Variants in TRIM37 observed in about 807,000 individuals in gnomAD.
TRIM37 encodes the protein E3 ubiquitin-protein ligase TRIM37.
In TRIM37, 80 loss-of-function variants were observed where a neutral mutation model predicts 129.8. That is an observed-to-expected ratio of 0.62 (90% confidence interval 0.51 to 0.74). The LOEUF is 0.74. TRIM37 is among the 30% of genes least tolerant of loss of function. TRIM37 has a pLI of 0.00. For synonymous variants in TRIM37, 389 were observed against 387.1 expected (o/e 1.00, Z -0.06); for missense variants, 1,054 against 1,176.5 (o/e 0.90, Z 1.52).
intron 14 of TRIM37, among the ~76,000 whole-genome samples, chr17:59,050,052 C>A (rs1471790446): frequency 2.6e-5 from 4 of 152,190 alleles, no homozygotes; most frequent in Admixed American, 2.6e-4. Context: ...CTCCAAACCT[C>A]CTGCCACACC....
intron 16 of TRIM37, among the ~76,000 whole-genome samples, chr17:59,045,473 A>G (rs1375292204): frequency 6.6e-6 from 1 of 151,544 alleles, no homozygotes; most frequent in Non-Finnish European, 1.5e-5. Context: ...CCTCGTCTCT[A>G]CTAAAAATAC....
chr17:58,969,635 C>A, the TRIM37 span: 1 of 1,614,078 alleles, frequency 6.2e-7, no homozygotes, highest in Non-Finnish European at 8.5e-7. Flanking sequence ...TAACTTAGTC[C>A]GCCAGGAGAT....
At chr17:59,016,571 T>C (rs2035967526) in intron 20 of TRIM37, among the ~76,000 whole-genome samples, 2 of 114,886 alleles carry the variant, frequency 1.7e-5, no homozygotes, top group Admixed American at 2.6e-4. Flanking sequence ...AAGACCAGCC[T>C]GGACAATGTA....
rs552715886 is a variant in TRIM37 at position 59,032,684 on chromosome 17, G to A, written c.1754-594C>T. Among the ~76,000 whole-genome samples the A allele has an allele frequency of 7.9e-5, 12 of 152,198 alleles. No homozygotes were observed. In the South Asian group the frequency reaches 2.1e-3, roughly 26 times the overall value. On this transcript the variant is annotated intron_variant, in intron 17 of 23. Transcript: ENST00000262294. ...AAAAACAGATGACAATGTGTACGATGTGCACAATTGGGGGGATGAGAGGTA... is the reference window on the plus strand; with the variant it reads ...AAAAACAGATGACAATGTGTACGATATGCACAATTGGGGGGATGAGAGGTA...
At chr17:59,101,525 A>G (rs1402077853) in intron 2 of TRIM37, among the ~76,000 whole-genome samples, 14 of 151,614 alleles carry the variant, frequency 9.2e-5, no homozygotes, top group Non-Finnish European at 4.4e-5. Flanking sequence ...GCACTTAAAA[A>G]TCATTGGTAT....
At chr17:58,994,195 A>G (rs1237747213), downstream of TRIM37, among the ~76,000 whole-genome samples, 1 of 152,050 alleles carries the variant, frequency 6.6e-6, no homozygotes, top group East Asian at 1.9e-4. Context: ...ACCAATATAG[A>G]CTCACAGTCA....
At position 59,051,263 on chromosome 17, in the gene TRIM37, A is replaced by G; in HGVS notation, c.1265T>C (p.Leu422Ser). 6.2e-7 allele frequency: 1 copy of G among 1,614,040 alleles called. No individual in the cohort carries two copies. The highest frequency in any genetic ancestry group is 1.3e-5 in the African/African-American group (1 of 75,052). ...GATATAACTAGTCTGTGCAGCTTCCAACTGAGTAATGTACCAATGCTGGTC... is the reference window on the plus strand; with the variant it reads ...GATATAACTAGTCTGTGCAGCTTCCGACTGAGTAATGTACCAATGCTGGTC... ...SRDQHWYITQ[L>S]EAAQTSYIQQ... The change falls in exon 14 of 24, where the codon TTG (leucine) becomes TCG (serine). Residue 422 changes from leucine to serine, a missense_variant. Transcript: ENST00000262294.
intron 5 of TRIM37, among the ~76,000 whole-genome samples, chr17:59,083,130 A>C (rs1803404444): frequency 6.6e-6 from 1 of 152,166 alleles, no homozygotes; most frequent in African/African-American, 2.4e-5. Flanking sequence ...TATTGTAAGG[A>C]GATCATTTAA....
chr17:59,042,449 A>AAAATATATATATAT (rs1555661494), intron 16 of TRIM37, among the ~76,000 whole-genome samples: 1 of 36,060 alleles, frequency 2.8e-5, no homozygotes, highest in African/African-American at 1.1e-4. Flanking sequence ...AAAAAAAAAA[A>AAAATATATATATAT]ATATATATAT....
At chr17:58,972,705 C>A in the TRIM37 span, 9 of 846,948 alleles carry the variant, frequency 1.1e-5, no homozygotes, top group Non-Finnish European at 9.6e-6. Flanking sequence ...TGTGCCCACC[C>A]TCCAATGGAG....
chr17:59,036,443 T>TGGG (rs552802145), intron 17 of TRIM37, among the ~76,000 whole-genome samples: 1 of 126,886 alleles, frequency 7.9e-6, no homozygotes, highest in African/African-American at 2.9e-5. Flanking sequence ...TTGTATTTGC[T>TGGG]GGGGGTGTGT....
In TRIM37 at chr17:59,081,937, C is replaced by CAAA. The variant is rs1157296161; in HGVS notation, c.370-721_370-719dup. On this transcript the variant is annotated intron_variant, in intron 5 of 23. Coordinates refer to ENST00000262294, the MANE Select transcript of TRIM37 (RefSeq NM_015294.6). ...ATAATAATTTTTTAATAATAAAAACCAAAAAAAAAAAAAAATAAAAAAAAA... is the reference window on the plus strand; with the variant it reads ...ATAATAATTTTTTAATAATAAAAACCAAAAAAAAAAAAAAAAAATAAAAAAAAA... Among the ~76,000 whole-genome samples, 183 of 48,872 alleles carry CAAA rather than the reference C, an allele frequency of 3.7e-3. 1 individual carries two copies. The highest frequency in any genetic ancestry group is 0.015 in the African/African-American group (174 of 11,716). 32.1% of individuals were successfully genotyped at this position (48,872 alleles called of 152,430 possible).
At chr17:58,999,855 CAAAA>C in intron 23 of TRIM37, among the ~76,000 whole-genome samples, 1 of 152,304 alleles carries the variant, frequency 6.6e-6, no homozygotes, top group East Asian at 1.9e-4. Flanking sequence ...AGTATCACTA[CAAAA>C]ACCCACCAGC....
chr17:59,029,515 C>T (rs1320809911), intron 18 of TRIM37, among the ~76,000 whole-genome samples: 1 of 152,164 alleles, frequency 6.6e-6, no homozygotes, highest in Non-Finnish European at 1.5e-5. Context: ...TTTTACAGTA[C>T]TCCTTTACAT....
At chr17:58,969,631 A>G in the TRIM37 span, 1 of 1,614,088 alleles carries the variant, frequency 6.2e-7, no homozygotes, top group Non-Finnish European at 8.5e-7. Flanking sequence ...ACGTTAACTT[A>G]GTCCGCCAGG....
chr17:59,039,829 C>T (rs994097328), intron 17 of TRIM37, among the ~76,000 whole-genome samples: 1 of 152,140 alleles, frequency 6.6e-6, no homozygotes, highest in Non-Finnish European at 1.5e-5. Flanking sequence ...GGACTTTATC[C>T]TATAATAAAT....
chr17:59,044,096 G>C (rs1013666597), intron 16 of TRIM37, among the ~76,000 whole-genome samples: 4 of 152,054 alleles, frequency 2.6e-5, no homozygotes, highest in Non-Finnish European at 1.5e-5. Flanking sequence ...AGGAGCTCCG[G>C]GCCAGCCTAG....
At chr17:58,986,577 A>G (rs2031839955) in intron 24 of TRIM37, among the ~76,000 whole-genome samples, 2 of 147,726 alleles carry the variant, frequency 1.4e-5, no homozygotes, top group Admixed American at 6.8e-5. Context: ...CAGTGGTGCA[A>G]TCTCGGCTCA....
intron 17 of TRIM37, among the ~76,000 whole-genome samples, chr17:59,035,850 G>A (rs922444711): frequency 1.3e-5 from 2 of 152,114 alleles, no homozygotes; most frequent in Non-Finnish European, 2.9e-5. Flanking sequence ...ATCGGTGACA[G>A]GTTCTTCTCC....
Sources: gnomAD v4.1 joint callset for allele counts (sites outside exome capture counted in the v4.1 genomes callset) on GRCh38, gnomAD v4.1.1 for gene constraint, MANE v1.5 for transcripts, NCBI Gene and HGNC (gene_info 2026-07-23, HGNC 2026-07-21) for gene names.